The following DDB2 variants were observed in gnomAD, a reference collection of about 807,000 sequenced individuals.
DDB2 encodes DNA damage-binding protein 2.
DDB2 carries 27 observed loss-of-function variants against 50.5 expected under a neutral mutation model. That is an observed-to-expected ratio of 0.53 (90% CI 0.39 to 0.74). The LOEUF is 0.74. Ranked by LOEUF, DDB2 falls within the 30% of genes least tolerant of loss-of-function variation. DDB2 has a pLI of 0.00. For missense variants in DDB2, 424 were observed against 545.6 expected (o/e 0.78, Z 2.22); for synonymous variants, 176 against 205.5 (o/e 0.86, Z 1.23).
chr11:47,238,932 G>A lies in DDB2; in HGVS notation c.*83G>A. On this transcript the variant is annotated 3_prime_UTR_variant, in exon 10 of 10. Transcript: ENST00000256996. ...GTCCTGCAAGCAGAGGTGGCGATTTGTTAAAGGGCCAAAAGTATCCAAGGT... is the reference window on the plus strand; with the variant it reads ...GTCCTGCAAGCAGAGGTGGCGATTTATTAAAGGGCCAAAAGTATCCAAGGT... The A allele has an allele frequency of 2.7e-6, 4 of 1,457,626 alleles. No individual in the cohort carries two copies. In the South Asian group the frequency reaches 4.6e-5, roughly 17 times the overall value. The allele number at this position is 1,457,626 out of a possible 1,614,324, so 90.3% of individuals were successfully genotyped here.
chr11:47,230,894 G>T (rs772811674), intron 3 of DDB2, among the ~76,000 whole-genome samples: 15 of 152,120 alleles, frequency 9.9e-5, no homozygotes, highest in Admixed American at 2.6e-4. Context: ...GCCGAGGCAG[G>T]CCAATCACCT....
intron 3 of DDB2, among the ~76,000 whole-genome samples, chr11:47,223,643 G>A (rs563104967): frequency 3.4e-4 from 52 of 152,158 alleles, no homozygotes; most frequent in African/African-American, 9.9e-4. Flanking sequence ...TTAGCCAGGC[G>A]TGGTGGTGGG....
chr11:47,239,062 A>G lies in DDB2; in HGVS notation c.*213A>G. On this transcript the variant is annotated 3_prime_UTR_variant, in exon 10 of 10. Coordinates refer to ENST00000256996, the MANE Select transcript of DDB2 (RefSeq NM_000107.3). The stretch of plus-strand genomic sequence containing the variant: ...CAGAGACTGCTCCAGAGTTGGTGAC[A>G]CAGCTGTCCCAAGGGCCCCTCTGTA... 1 of 564,370 alleles carries G rather than the reference A, an allele frequency of 1.8e-6. No homozygotes were observed. Among genetic ancestry groups the G allele is most frequent in the South Asian group, 2.0e-5 (1 of 50,014 alleles). 35.0% of individuals were successfully genotyped at this position (564,370 alleles called of 1,614,324 possible).
At chr11:47,235,549 T>A (rs1452370139) in intron 7 of DDB2, 137 bp downstream of exon 7, 1 of 852,246 alleles carries the variant, frequency 1.2e-6, no homozygotes, top group African/African-American at 1.7e-5. Flanking sequence ...AGAGCATCTC[T>A]TACCCATTGG....
chr11:47,220,366 G>C (rs1292366247), intron 3 of DDB2: 1 of 152,210 alleles, frequency 6.6e-6, no homozygotes, highest in Non-Finnish European at 1.5e-5. Context: ...TTTTCTCCAG[G>C]AGTCTAGGAC....
chr11:47,216,389 C>G lies in DDB2; in HGVS notation c.181C>G (p.Gln61Glu). Residue 61 changes from glutamine (Q) to glutamate (E), a missense_variant, in exon 2 of 10, where the codon CAG becomes GAG. Transcript: ENST00000256996. ...CCTCTGGGTGGGGCTGGCTGGCCCA[C>G]AGATCCTGCCACCATGCCGCAGCAT... ...DCLWVGLAGP[Q>E]ILPPCRSIVR... The G allele has an allele frequency of 2.5e-6, 4 of 1,614,184 alleles. No homozygotes were observed. The highest frequency in any genetic ancestry group is 3.4e-6 in the Non-Finnish European group (4 of 1,180,046).
chr11:47,214,875 GA>G (rs1284744125), upstream of DDB2: 10 of 530,718 alleles, frequency 1.9e-5, no homozygotes, highest in Admixed American at 1.9e-4. Context: ...CCCCTCCCGG[GA>G]GCGCTGGCAC....
chr11:47,218,742 G>GAA (rs74261105), intron 3 of DDB2, among the ~76,000 whole-genome samples: 2 of 132,650 alleles, frequency 1.5e-5, no homozygotes, highest in African/African-American at 2.8e-5. Flanking sequence ...AGCCAGAGTG[G>GAA]AAAAAAAAAA....
In DDB2 at chr11:47,239,000, C is replaced by T. The variant is rs4647760; in HGVS notation, c.*151C>T. 4.1e-6 allele frequency: 3 copies of T among 736,110 alleles called. No individual in the cohort carries two copies. The highest frequency in any genetic ancestry group is 6.9e-6 in the Non-Finnish European group (3 of 437,592). The allele number at this position is 736,110 out of a possible 1,614,324, so 45.6% of individuals were successfully genotyped here. On this transcript the variant is annotated 3_prime_UTR_variant, in exon 10 of 10. Transcript: ENST00000256996. ...TGCTGGGACCTGGGGCACTGTGGGA[C>T]TGGGACACTTTTATGTTAATGCTCT...
At chr11:47,228,397 T>C (rs1265573826) in intron 3 of DDB2, among the ~76,000 whole-genome samples, 1 of 151,950 alleles carries the variant, frequency 6.6e-6, no homozygotes, top group Non-Finnish European at 1.5e-5. Flanking sequence ...TCTCAGCACT[T>C]TGGGTGGCCA....
At chr11:47,231,555 G>A (rs896824623) in intron 3 of DDB2, among the ~76,000 whole-genome samples, 1 of 152,082 alleles carries the variant, frequency 6.6e-6, no homozygotes, top group Admixed American at 6.6e-5. Flanking sequence ...ACAGGGTCTT[G>A]CTCTGTCACC....
rs750667323 is a variant in DDB2, at chr11:47,223,313, C to T, written c.456+6264C>T. ...CAGCCTGGCTAACATGGTGAAACCC[C>T]GCCTCTACTAAAAATACAAAAATTA... On this transcript the variant is annotated intron_variant, in intron 3 of 9. Coordinates refer to ENST00000256996, the MANE Select transcript of DDB2 (RefSeq NM_000107.3). Among the ~76,000 whole-genome samples, 23 of 151,420 alleles carry T rather than the reference C, an allele frequency of 1.5e-4. No individual in the cohort carries two copies. In the East Asian group the frequency reaches 3.3e-3, roughly 22 times the overall value.
At position 47,215,056 on chromosome 11, in the gene DDB2, C is replaced by A; in HGVS notation, c.-81C>A. 6.2e-7 allele frequency: 1 copy of A among 1,607,530 alleles called. No individual in the cohort carries two copies. The highest frequency in any genetic ancestry group is 8.5e-7 in the Non-Finnish European group (1 of 1,175,228). ...GGCCCCGCAGTTTTGTAGTCCCCGC[C>A]TTGTTTCTCCCCAGAGGCCTCTCAA... On this transcript the variant is annotated 5_prime_UTR_variant, in exon 1 of 10. Coordinates refer to ENST00000256996, the MANE Select transcript of DDB2 (RefSeq NM_000107.3).
chr11:47,222,084 T>G (rs954057035), intron 3 of DDB2, among the ~76,000 whole-genome samples: 5 of 152,178 alleles, frequency 3.3e-5, no homozygotes, highest in African/African-American at 1.2e-4. Flanking sequence ...ATAACTCCCA[T>G]TTCCCCACCC....
chr11:47,233,148 C>CAAAG, intron 4 of DDB2, 189 bp downstream of exon 4: 4 of 697,610 alleles, frequency 5.7e-6, no homozygotes, highest in Non-Finnish European at 1.0e-5. Context: ...AGGTGGGTTA[C>CAAAG]TGCTTTGGGA....
At position 47,215,201 on chromosome 11, in the gene DDB2, A is replaced by G. The variant is rs1953383053; in HGVS notation, c.65A>G (p.Lys22Arg). Reference protein sequence around the residue: ...TSEIVLRPRNKRSRSPLELEP... With the variant: ...TSEIVLRPRNRRSRSPLELEP... ...GAGATTGTATTACGCCCCAGGAACA[A>G]GAGGAGCAGGAGTCCCCTGGAGCTG... Residue 22 changes from lysine (K) to arginine (R), a missense_variant, in exon 1 of 10, where the codon AAG (lysine) becomes AGG (arginine). Lys to Arg is a conservative substitution (Grantham distance 26, BLOSUM62 2). Coordinates refer to ENST00000256996, the MANE Select transcript of DDB2 (RefSeq NM_000107.3). 2 of 1,614,046 alleles carry G rather than the reference A, an allele frequency of 1.2e-6. No homozygotes were observed. Among genetic ancestry groups the G allele is most frequent in the African/African-American group, 2.7e-5 (2 of 75,012 alleles).
intron 3 of DDB2, among the ~76,000 whole-genome samples, chr11:47,223,533 C>T (rs1024881797): frequency 2.6e-5 from 4 of 151,770 alleles, no homozygotes; most frequent in African/African-American, 7.3e-5. Flanking sequence ...GTAATCCCAG[C>T]GCTTTGGGAG....
intron 7 of DDB2, chr11:47,235,910 GT>G (rs1336832357): frequency 4.5e-5 from 4 of 88,370 alleles, no homozygotes; most frequent in African/African-American, 1.7e-4. Context: ...GTATTCTTGT[GT>G]TACCCAGGCT....
chr11:47,230,914 A>G (rs1684290384), intron 3 of DDB2, among the ~76,000 whole-genome samples: 1 of 152,128 alleles, frequency 6.6e-6, no homozygotes, highest in African/African-American at 2.4e-5. Flanking sequence ...TGAGGTCAGG[A>G]GTTCGAGACC....
Sources: allele counts gnomAD v4.1 joint callset (sites outside exome capture counted in the v4.1 genomes callset), GRCh38; gene constraint gnomAD v4.1.1; transcripts MANE v1.5; gene names NCBI Gene and HGNC (gene_info 2026-07-23, HGNC 2026-07-21).